The following ST6GALNAC3 variants were observed in gnomAD, a reference collection of about 807,000 sequenced individuals.
ST6GALNAC3 encodes the protein alpha-N-acetylgalactosaminide alpha-2,6-sialyltransferase 3.
Under a neutral mutation model 32.7 loss-of-function variants are expected in ST6GALNAC3, and 25 were observed. The observed-to-expected ratio is 0.76, with a 90% CI of 0.56 to 1.07. The LOEUF (loss-of-function observed/expected upper bound fraction) is 1.07. Ranked by LOEUF, ST6GALNAC3 falls within the 50% of genes least tolerant of loss-of-function variation. The probability of loss-of-function intolerance (pLI) is 0.00; values close to 1 mark genes in which losing one functional copy is unlikely to be tolerated. For synonymous variants in ST6GALNAC3, 129 were observed against 133.1 expected (o/e 0.97, Z 0.21); for missense variants, 355 against 382.4 (o/e 0.93, Z 0.60).
intron 1 of ST6GALNAC3, among the ~76,000 whole-genome samples, chr1:76,216,426 C>G (rs951399927): frequency 3.9e-5 from 6 of 152,178 alleles, no homozygotes; most frequent in African/African-American, 1.4e-4. Flanking sequence ...AATGCTCAAG[C>G]AATAATTTGT....
chr1:76,225,564 T>C (rs1656020470), intron 1 of ST6GALNAC3, among the ~76,000 whole-genome samples: 1 of 152,168 alleles, frequency 6.6e-6, no homozygotes, highest in African/African-American at 2.4e-5. Context: ...GGGAACGTTT[T>C]CTGTGTTACT....
chr1:76,100,941 C>T (rs1050759842), intron 1 of ST6GALNAC3, among the ~76,000 whole-genome samples: 1 of 151,984 alleles, frequency 6.6e-6, no homozygotes. Flanking sequence ...TTGCCCCATC[C>T]GTGCACAGCC....
chr1:76,378,646 G>A (rs1251461933), intron 2 of ST6GALNAC3, among the ~76,000 whole-genome samples: 1 of 146,580 alleles, frequency 6.8e-6, no homozygotes, highest in East Asian at 2.1e-4. Flanking sequence ...TGGGCAAGAA[G>A]AACGAAATTC....
At chr1:76,336,463 T>C (rs1336071225) in intron 2 of ST6GALNAC3, among the ~76,000 whole-genome samples, 1 of 152,180 alleles carries the variant, frequency 6.6e-6, no homozygotes, top group Non-Finnish European at 1.5e-5. Context: ...GCTCAGTATT[T>C]CCATTCGATT....
intron 1 of ST6GALNAC3, among the ~76,000 whole-genome samples, chr1:76,180,217 A>G (rs1286202843): frequency 6.6e-6 from 1 of 152,198 alleles, no homozygotes; most frequent in Non-Finnish European, 1.5e-5. Context: ...TGAGTTTTAA[A>G]TATAGTTTTG....
chr1:76,120,427 T>TG (rs1232004583), intron 1 of ST6GALNAC3, among the ~76,000 whole-genome samples: 3 of 152,226 alleles, frequency 2.0e-5, no homozygotes, highest in Non-Finnish European at 2.9e-5. Context: ...TGACTCCTAT[T>TG]GCCTTTGGGT....
At chr1:76,157,725 A>G (rs1651548361) in intron 1 of ST6GALNAC3, among the ~76,000 whole-genome samples, 1 of 152,160 alleles carries the variant, frequency 6.6e-6, no homozygotes, top group South Asian at 2.1e-4. Flanking sequence ...CAAATGCATA[A>G]TATTATGTAC....
chr1:76,416,527 T>C (rs1571161236), intron 3 of ST6GALNAC3, among the ~76,000 whole-genome samples: 1 of 152,110 alleles, frequency 6.6e-6, no homozygotes, highest in East Asian at 1.9e-4. Flanking sequence ...AAACTTTGCT[T>C]CTCAGCTTGC....
chr1:76,221,590 A>G (rs547342), intron 1 of ST6GALNAC3, among the ~76,000 whole-genome samples: 25,065 of 152,072 alleles, frequency 0.16, 2,236 homozygotes, highest in African/African-American at 0.19. Context: ...TCCTTCATTC[A>G]TAGTCATAGT....
intron 3 of ST6GALNAC3, among the ~76,000 whole-genome samples, chr1:76,588,877 A>G (rs1647003508): frequency 1.3e-5 from 2 of 152,176 alleles, no homozygotes; most frequent in South Asian, 4.1e-4. Context: ...ACCACATCCT[A>G]GAAGCAGTGG....
chr1:76,390,650 A>G (rs1215602937), intron 2 of ST6GALNAC3, among the ~76,000 whole-genome samples: 1 of 152,150 alleles, frequency 6.6e-6, no homozygotes, highest in East Asian at 1.9e-4. Context: ...GGGAACTGAC[A>G]TGCTCAGAGC....
chr1:76,464,052 C>T (rs1658464026), intron 3 of ST6GALNAC3, among the ~76,000 whole-genome samples: 1 of 152,124 alleles, frequency 6.6e-6, no homozygotes, highest in Non-Finnish European at 1.5e-5. Context: ...AGCTTGCCCT[C>T]CTTTCCCCTA....
At chr1:76,504,557 C>A (rs1203902155) in intron 3 of ST6GALNAC3, among the ~76,000 whole-genome samples, 1 of 151,922 alleles carries the variant, frequency 6.6e-6, no homozygotes, top group Non-Finnish European at 1.5e-5. Flanking sequence ...ACTTTCATAC[C>A]ACATGAAAGT....
chr1:76,350,020 A>G (rs1404915087), intron 2 of ST6GALNAC3, among the ~76,000 whole-genome samples: 1 of 152,164 alleles, frequency 6.6e-6, no homozygotes, highest in East Asian at 1.9e-4. Context: ...AAAATGGTAT[A>G]CAAGATTTAT....
intron 1 of ST6GALNAC3, among the ~76,000 whole-genome samples, chr1:76,101,021 C>T (rs1250458538): frequency 6.6e-6 from 1 of 152,080 alleles, no homozygotes; most frequent in Non-Finnish European, 1.5e-5. Context: ...ATTGACACAT[C>T]ATTATCACCC....
intron 2 of ST6GALNAC3, among the ~76,000 whole-genome samples, chr1:76,334,190 T>C (rs1274503322): frequency 6.6e-6 from 1 of 152,250 alleles, no homozygotes; most frequent in Non-Finnish European, 1.5e-5. Flanking sequence ...CACTTGATAG[T>C]GTTCTGGCAC....
chr1:76,123,264 A>C (rs1234797284), intron 1 of ST6GALNAC3, among the ~76,000 whole-genome samples: 2 of 151,874 alleles, frequency 1.3e-5, no homozygotes, highest in Non-Finnish European at 2.9e-5. Flanking sequence ...CCCATCTACC[A>C]GCTACTCGGG....
intron 3 of ST6GALNAC3, among the ~76,000 whole-genome samples, chr1:76,625,390 T>C (rs1648903398): frequency 6.6e-6 from 1 of 151,840 alleles, no homozygotes; most frequent in African/African-American, 2.4e-5. Context: ...CCGTAACTTT[T>C]AGTGATCTCT....
intron 3 of ST6GALNAC3, among the ~76,000 whole-genome samples, chr1:76,510,245 A>G (rs1228603895): frequency 6.6e-6 from 1 of 152,194 alleles, no homozygotes; most frequent in South Asian, 2.1e-4. Flanking sequence ...CTGGCCAACA[A>G]CTTTAAAATG....
Sources: allele counts gnomAD v4.1 joint callset (sites outside exome capture counted in the v4.1 genomes callset), GRCh38; gene constraint gnomAD v4.1.1; transcripts MANE v1.5; gene names NCBI Gene and HGNC (gene_info 2026-07-23, HGNC 2026-07-21).